CACNA1F: variants seen among roughly 807,000 people sequenced by gnomAD.
CACNA1F encodes the protein calcium voltage-gated channel subunit alpha1 F, also known as voltage-dependent L-type calcium channel subunit alpha-1F.
A neutral mutation model predicts 143.8 loss-of-function variants in CACNA1F; 59 were observed. The ratio of observed to expected loss-of-function variants is 0.41; its 90% CI spans 0.33 to 0.51. The LOEUF (loss-of-function observed/expected upper bound fraction) is 0.51, where lower values mean the gene tolerates loss of function less well. Ranked by LOEUF, CACNA1F falls within the 20% of genes least tolerant of loss-of-function variation. The pLI, the probability that CACNA1F is intolerant of heterozygous loss-of-function variation, is 0.22. For missense variants in CACNA1F, 1,411 were observed against 1,647.5 expected (o/e 0.86, Z 2.48); for synonymous variants, 643 against 649.1 (o/e 0.99, Z 0.14).
chrX:49,212,907 G>A (rs2065672571), intron 32 of CACNA1F, 67 bp downstream of exon 32: 5 of 1,159,716 alleles, frequency 4.3e-6, no homozygotes, highest in South Asian at 1.9e-5. Flanking sequence ...AGGGTAATCT[G>A]GAGGGATGGA....
chrX:49,217,042 T>C (rs1232498807), intron 26 of CACNA1F, among the ~76,000 whole-genome samples: 1 of 111,475 alleles, frequency 9.0e-6, no homozygotes, highest in Non-Finnish European at 1.9e-5. Context: ...CACTGCAACC[T>C]CCGCCTCCCG....
At chrX:49,208,415 T>TTCTTCC in intron 43 of CACNA1F, 100 bp downstream of exon 43, 1 of 138,732 alleles carries the variant, frequency 7.2e-6, no homozygotes, top group Non-Finnish European at 1.4e-5. Context: ...CTCTAGGCCC[T>TTCTTCC]CCCTCCCACC....
chrX:49,232,180 T>C (rs1602659193), intron 1 of CACNA1F, among the ~76,000 whole-genome samples: 2 of 111,222 alleles, frequency 1.8e-5, no homozygotes, highest in East Asian at 5.6e-4. Flanking sequence ...GGGGGTAGAG[T>C]TTAAATTGCC....
chrX:49,212,085 CAG>C (rs2065662685), intron 34 of CACNA1F, 96 bp from the exon 35 acceptor site: 3 of 816,357 alleles, frequency 3.7e-6, no homozygotes, highest in East Asian at 3.2e-5. Context: ...CCCTGACAAA[CAG>C]GGCATCACTG....
chrX:49,224,742 C>G lies in CACNA1F; in HGVS notation c.1877+19G>C, dbSNP rs782153421. On this transcript the variant is annotated intron_variant, in intron 14 of 47. Coordinates refer to ENST00000323022, the MANE Select transcript of CACNA1F (RefSeq NM_001256789.3). The stretch of plus-strand genomic sequence containing the variant: ...GGCTGTGTTTGAGGCCCTTGTCTTC[C>G]CCCTCCCCTAATACAAACCTGGTGA... The G allele has an allele frequency of 1.8e-5, 19 of 1,072,370 alleles. No individual in the cohort carries two copies. The highest frequency in any genetic ancestry group is 2.4e-5 in the Non-Finnish European group (19 of 787,753). The allele number at this position is 1,072,370 out of a possible 1,213,427, so 88.4% of individuals were successfully genotyped here. A position where few individuals can be genotyped will look rare whatever the true frequency, so the allele number is the denominator to read the frequency against.
At position 49,220,493 on chromosome X, in the gene CACNA1F, C is replaced by G; in HGVS notation, c.2366G>C (p.Gly789Ala). The G allele has an allele frequency of 8.3e-7, 1 of 1,208,920 alleles. No individual in the cohort carries two copies. The highest frequency in any genetic ancestry group is 1.1e-6 in the Non-Finnish European group (1 of 893,558). The change falls in exon 19 of 48, where the codon GGT (glycine) becomes GCT (alanine). Residue 789 changes from glycine to alanine, a missense_variant. By Grantham distance (60) the Gly-to-Ala change is moderately conservative. Transcript: ENST00000323022. The stretch of plus-strand genomic sequence containing the variant: ...CTTGCCTGCTCCTTCCCTCCTTGCA[C>G]CCTCCTCTTCCTCTTTCTCCACACC... ...VPGVEKEEEE[G>A]ARREGADMEE... is the part of the protein sequence containing the mutation.
chrX:49,209,778 A>C lies in CACNA1F; in HGVS notation c.4691-19T>G. 9.9e-6 allele frequency: 12 copies of C among 1,210,443 alleles called. No homozygotes were observed. The highest frequency in any genetic ancestry group is 1.3e-5 in the Non-Finnish European group (12 of 894,480). On this transcript the variant is annotated intron_variant, in intron 40 of 47. Transcript: ENST00000323022. ...TCCTCCTCTAGGGGCAAGGGAGAGAAGGCAAGATCACACAGGGGCCCTCTG... is the reference window on the plus strand; with the variant it reads ...TCCTCCTCTAGGGGCAAGGGAGAGACGGCAAGATCACACAGGGGCCCTCTG...
chrX:49,215,884 G>A (rs782524407), intron 27 of CACNA1F, among the ~76,000 whole-genome samples: 5 of 105,830 alleles, frequency 4.7e-5, no homozygotes, highest in African/African-American at 7.0e-5. Context: ...ACCCCCATGC[G>A]CCTCCCCAGA....
rs782186759 is a variant in CACNA1F at position 49,224,903 on chromosome X, A to G, written c.1735T>C (p.Ser579Pro). 4 of 1,207,823 alleles carry G rather than the reference A, an allele frequency of 3.3e-6. No individual in the cohort carries two copies. The highest frequency in any genetic ancestry group is 1.1e-6 in the Non-Finnish European group (1 of 892,350). The stretch of plus-strand genomic sequence containing the variant: ...CAGTCAAAGCGGTTGAAGAAGGAAG[A>G]CACATAGGCAGAGGGGCCCAGACCG... ...LYGLGPSAYV[S>P]SFFNRFDCFV... The change falls in exon 14 of 48, where the codon TCT becomes CCT. Residue 579 changes from serine to proline, a missense_variant. Ser to Pro is a moderately conservative substitution (Grantham distance 74). This residue lies in a region of CACNA1F where 950 missense variants were observed against 1,128.1 expected (regional missense o/e 0.84). Coordinates refer to ENST00000323022, the MANE Select transcript of CACNA1F (RefSeq NM_001256789.3).
intron 26 of CACNA1F, among the ~76,000 whole-genome samples, chrX:49,217,083 C>T (rs2283732): frequency 9.1e-6 from 1 of 109,839 alleles, no homozygotes; most frequent in Non-Finnish European, 1.9e-5. Context: ...CTCATCTTCC[C>T]GAGTAGCTGG....
At chrX:49,218,052 G>T in intron 24 of CACNA1F, 47 bp from the exon 25 acceptor site, 1 of 967,936 alleles carries the variant, frequency 1.0e-6, no homozygotes, top group Non-Finnish European at 1.5e-6. Context: ...AGGCCACAGT[G>T]GTCATGGGGC....
rs369857588 is a variant in CACNA1F at position 49,205,237 on chromosome X, G to A, written c.5801C>T (p.Ala1934Val). ...GCTATAGAGAGAGCTGGTTCCCTGT[G>A]CCAGCAGGTCACTGGCAGCATTGTC... ...EMDNAASDLL[A>V]QGTSSLYSDE... The change falls in exon 48 of 48, where the codon GCA (alanine) becomes GTA (valine). Residue 1934 changes from alanine to valine, a missense_variant. By Grantham distance (64) the Ala-to-Val change is moderately conservative. Transcript: ENST00000323022. The A allele has an allele frequency of 3.3e-6, 4 of 1,208,477 alleles. No individual in the cohort carries two copies. Among genetic ancestry groups the A allele is most frequent in the Non-Finnish European group, 4.5e-6 (4 of 892,783 alleles).
intron 14 of CACNA1F, among the ~76,000 whole-genome samples, chrX:49,223,595 C>CAAA (rs58022930): frequency 0.6 from 14,064 of 23,630 alleles, 4,823 homozygotes; most frequent in Non-Finnish European, 0.65. Flanking sequence ...GACTCTGTCT[C>CAAA]AAAAAAAAAA....
rs782144870 is a variant in CACNA1F, at chrX:49,221,914, C to T, written c.2288+608G>A. Among the ~76,000 whole-genome samples the T allele has an allele frequency of 4.6e-5, 5 of 108,829 alleles. No individual in the cohort carries two copies. The South Asian group carries it at 1.2e-3, about 27-fold the overall frequency. 94.5% of individuals were successfully genotyped at this position (108,829 alleles called of 115,157 possible). On this transcript the variant is annotated intron_variant, in intron 17 of 47. Coordinates refer to ENST00000323022, the MANE Select transcript of CACNA1F (RefSeq NM_001256789.3). ...AGGAGAATTGCTTGAACCTGGGTGG[C>T]GGAGGTTGCAGTGAGCTGAGATAGC...
At chrX:49,230,758 C>A in intron 4 of CACNA1F, 92 bp downstream of exon 4, 2 of 1,087,579 alleles carry the variant, frequency 1.8e-6, no homozygotes, top group Non-Finnish European at 2.5e-6. Flanking sequence ...CGAATGGGGG[C>A]GGTCTGAAAG....
intron 26 of CACNA1F, 134 bp from the exon 27 acceptor site, chrX:49,216,662 T>C (rs1276062783): frequency 3.6e-6 from 2 of 557,114 alleles, no homozygotes; most frequent in Non-Finnish European, 5.8e-6. Context: ...TGTCCCTCCA[T>C]GTCCTGGCTG....
In CACNA1F at chrX:49,226,664, G is replaced by A. The variant is rs782649560; in HGVS notation, c.1315C>T (p.Arg439Cys). ...GTAGAATGACTGAACCAGCGCAGAC[G>A]TCCACGCCTCCTATTGGTCAGCTCG... ...LAELTNRRRG[R>C]LRWFSHSTRS... Residue 439 changes from arginine (R) to cysteine (C), a missense_variant, in exon 10 of 48, where the codon CGT (arginine) becomes TGT (cysteine). Around this residue, in one of 3 missense-constraint regions of CACNA1F, gnomAD observed 950 missense variants for 1,128.1 expected, o/e 0.84. Coordinates refer to ENST00000323022, the MANE Select transcript of CACNA1F (RefSeq NM_001256789.3). The A allele has an allele frequency of 2.5e-5, 30 of 1,181,802 alleles. No individual in the cohort carries two copies. Among genetic ancestry groups the A allele is most frequent in the Non-Finnish European group, 2.2e-5 (19 of 880,822 alleles).
Position 49,231,695 on chromosome X carries a change from G to C in CACNA1F, c.258C>G (p.Ile86Met). The change falls in exon 2 of 48, where the codon ATC becomes ATG. Residue 86 changes from isoleucine to methionine, a missense_variant. Transcript: ENST00000323022. ...CAGGATGCTTCCACTCCACGATGCT[G>C]ATGCAGGACCGTCGCAGAGGATTGG... ...TLANPLRRSC[I>M]SIVEWKPFDI... The C allele has an allele frequency of 8.3e-7, 1 of 1,212,068 alleles. No individual in the cohort carries two copies. Among genetic ancestry groups the C allele is most frequent in the Non-Finnish European group, 1.1e-6 (1 of 895,568 alleles).
chrX:49,227,583 C>T (rs1255001181), intron 8 of CACNA1F, among the ~76,000 whole-genome samples: 1 of 112,384 alleles, frequency 8.9e-6, no homozygotes. Context: ...GCCTTGGCCT[C>T]CCATAGTGCT....
Sources: allele counts gnomAD v4.1 joint callset (sites outside exome capture counted in the v4.1 genomes callset), GRCh38; gene constraint gnomAD v4.1.1; regional missense constraint gnomAD v4.1.1; transcripts MANE v1.5; gene names NCBI Gene and HGNC (gene_info 2026-07-23, HGNC 2026-07-21).